The following YIPF2 variants were observed in gnomAD, a reference collection of about 807,000 sequenced individuals.
YIPF2 encodes protein YIPF2.
Under a neutral mutation model 38.8 loss-of-function variants are expected in YIPF2, and 30 were observed. The ratio of observed to expected loss-of-function variants is 0.77; its 90% CI spans 0.58 to 1.05. The LOEUF (loss-of-function observed/expected upper bound fraction) is 1.05. Ranked by LOEUF, YIPF2 falls within the 50% of genes least tolerant of loss-of-function variation. The pLI is 0.00. For synonymous variants in YIPF2, 194 were observed against 183.8 expected (o/e 1.06, Z -0.45); for missense variants, 401 against 409.7 (o/e 0.98, Z 0.18).
chr19:10,926,216 T>C (rs1450695504), intron 4 of YIPF2, among the ~76,000 whole-genome samples: 2 of 146,236 alleles, frequency 1.4e-5, no homozygotes, highest in African/African-American at 5.1e-5. Flanking sequence ...CAGCCCCCTC[T>C]TTTTTTTCCC....
At position 10,927,741 on chromosome 19, in the gene YIPF2, C is replaced by T. The variant is rs770531545; in HGVS notation, c.193-25G>A. 5.0e-6 allele frequency: 8 copies of T among 1,612,250 alleles called. No homozygotes were observed. The Admixed American group carries it at 8.3e-5, about 17-fold the overall frequency. On this transcript the variant is annotated intron_variant, in intron 3 of 9. Coordinates refer to ENST00000586748, the MANE Select transcript of YIPF2 (RefSeq NM_001321439.2). ...GCTGCACATTGCGGGCATTCAGTGC[C>T]TGCCCGGAGAGCCTGGGTCAGCTGG...
At position 10,923,402 on chromosome 19, in the gene YIPF2, G is replaced by A. The variant is rs759422532; in HGVS notation, c.840C>T (p.Tyr280=). 5 of 1,613,588 alleles carry A rather than the reference G, an allele frequency of 3.1e-6. No individual in the cohort carries two copies. The South Asian group carries it at 4.4e-5, about 14-fold the overall frequency. ...HALLAMGCKL[Y]FFQSLPPENV... ...TCTCCGGAGGCAGCGACTGGAAGAA[G>A]TACAACTGCACAAGACCCCTGGGGT... is the stretch of plus-strand genomic sequence containing the variant. Residue 280 remains tyrosine (Y), a synonymous_variant, in exon 9 of 10, where the codon TAC becomes TAT. Transcript: ENST00000586748.
Position 10,923,609 on chromosome 19 carries a change from G to A in YIPF2, c.720C>T (p.Ala240=), listed in dbSNP as rs115373533. ...GCCAGAGGGTGAATACCAGCCCGGC[G>A]GCTGACAGGCCCAGGGCCAGCGCCC... ...LFGALALGLS[A]AGLVFTLWPV... is the part of the protein sequence containing the mutation. Residue 240 remains alanine (A), a synonymous_variant, in exon 8 of 10, where the codon GCC becomes GCT. Transcript: ENST00000586748. 1.9e-4 allele frequency: 306 copies of A among 1,613,000 alleles called. 1 individual carries two copies. The African/African-American group carries it at 3.1e-3, about 16-fold the overall frequency.
At position 10,926,423 on chromosome 19, in the gene YIPF2, T is replaced by G. The variant is rs2083426748; in HGVS notation, c.280-650A>C. ...TTGTATTTTTAGTAGAGATGGGGTTTCACCGTGTTAGCCAGGATGGTCTCG... is the reference window on the plus strand; with the variant it reads ...TTGTATTTTTAGTAGAGATGGGGTTGCACCGTGTTAGCCAGGATGGTCTCG... On this transcript the variant is annotated intron_variant, in intron 4 of 9. Coordinates refer to ENST00000586748, the MANE Select transcript of YIPF2 (RefSeq NM_001321439.2). Among the ~76,000 whole-genome samples, 3 of 151,520 alleles carry G rather than the reference T, an allele frequency of 2.0e-5. No individual in the cohort carries two copies. The South Asian group carries it at 6.2e-4, about 31-fold the overall frequency.
At position 10,927,809 on chromosome 19, in the gene YIPF2, T is replaced by C; in HGVS notation, c.182A>G (p.Asp61Gly). Reference sequence around the variant, plus strand: ...GACACAGGGACTCACCGCGGCCTTGTCACTCTCCTCCTCCACCTCATCCTC... The same window carrying C: ...GACACAGGGACTCACCGCGGCCTTGCCACTCTCCTCCTCCACCTCATCCTC... ...GAEDEVEEESDKAALLQEQQQ... is the reference protein window; with the variant it reads ...GAEDEVEEESGKAALLQEQQQ... Residue 61 changes from aspartate to glycine, a missense_variant, in exon 3 of 10, where the codon GAC becomes GGC. Physicochemically the swap from Asp to Gly is moderately conservative, Grantham distance 94. Transcript: ENST00000586748. 1 of 1,607,200 alleles carries C rather than the reference T, an allele frequency of 6.2e-7. No individual in the cohort carries two copies. Among genetic ancestry groups the C allele is most frequent in the Non-Finnish European group, 8.5e-7 (1 of 1,175,920 alleles).
intron 7 of YIPF2, 39 bp from the exon 8 acceptor site, chr19:10,923,716 C>T: frequency 6.3e-7 from 1 of 1,583,446 alleles, no homozygotes; most frequent in Non-Finnish European, 8.6e-7. Context: ...TGCCAGTCCC[C>T]CCAGCCACCA....
At position 10,927,709 on chromosome 19, in the gene YIPF2, T is replaced by C. The variant is rs2083448855; in HGVS notation, c.200A>G (p.Gln67Arg). 3.1e-6 allele frequency: 5 copies of C among 1,613,472 alleles called. No individual in the cohort carries two copies. Among genetic ancestry groups the C allele is most frequent in the Non-Finnish European group, 4.2e-6 (5 of 1,180,012 alleles). ...EEESDKAALL[Q>R]EQQQQQQPGF... ...CGGCTGCTGCTGCTGCTGCTGCTCC[T>C]GCAGGAGCTGCACATTGCGGGCATT... The change falls in exon 4 of 10, where the codon CAG becomes CGG. Residue 67 changes from glutamine to arginine, a missense_variant. Coordinates refer to ENST00000586748, the MANE Select transcript of YIPF2 (RefSeq NM_001321439.2).
At chr19:10,924,303 C>T (rs2083384410) in intron 5 of YIPF2, 111 bp from the exon 6 acceptor site, 1 of 1,000,308 alleles carries the variant, frequency 1.0e-6, no homozygotes, top group East Asian at 2.6e-5. Flanking sequence ...AGCACCTTGC[C>T]TGACTCACCA....
At chr19:10,923,717 C>T (rs2074310314) in intron 7 of YIPF2, 40 bp from the exon 8 acceptor site, 1 of 1,581,458 alleles carries the variant, frequency 6.3e-7, no homozygotes, top group African/African-American at 1.3e-5. Flanking sequence ...GCCAGTCCCC[C>T]CAGCCACCAC....
intron 5 of YIPF2, 43 bp downstream of exon 5, chr19:10,925,640 CTTG>C (rs1568364157): frequency 1.2e-6 from 2 of 1,611,070 alleles, no homozygotes; most frequent in East Asian, 2.2e-5. Flanking sequence ...TCAGGCCACA[CTTG>C]TTGAGTGATC....
At chr19:10,927,086 T>TG (rs1338245971) in intron 4 of YIPF2, among the ~76,000 whole-genome samples, 2 of 152,136 alleles carry the variant, frequency 1.3e-5, no homozygotes, top group African/African-American at 4.8e-5. Context: ...TTGGCCAGGC[T>TG]GGTCTCAAAC....
At chr19:10,923,469 C>T in intron 8 of YIPF2, 26 bp downstream of exon 8, 1 of 1,612,872 alleles carries the variant, frequency 6.2e-7, no homozygotes, top group Non-Finnish European at 8.5e-7. Flanking sequence ...CCCTCGGCCC[C>T]ACCTGTGGCC....
At chr19:10,925,643 G>A in intron 5 of YIPF2, 43 bp downstream of exon 5, 3 of 1,611,324 alleles carry the variant, frequency 1.9e-6, no homozygotes, top group Non-Finnish European at 2.5e-6. Context: ...GGCCACACTT[G>A]TTGAGTGATC....
chr19:10,926,112 T>C (rs1358705286), intron 4 of YIPF2, among the ~76,000 whole-genome samples: 3 of 151,802 alleles, frequency 2.0e-5, no homozygotes, highest in African/African-American at 7.3e-5. Flanking sequence ...GATTTCACCA[T>C]GTTGGCCAGG....
At chr19:10,925,436 C>T (rs551389431) in intron 5 of YIPF2, among the ~76,000 whole-genome samples, 7 of 152,026 alleles carry the variant, frequency 4.6e-5, no homozygotes, top group Non-Finnish European at 8.8e-5. Context: ...CAACAAGGCT[C>T]ATTCCCTCAC....
chr19:10,923,787 G>C, intron 7 of YIPF2, 46 bp downstream of exon 7: 1 of 1,595,084 alleles, frequency 6.3e-7, no homozygotes, highest in Non-Finnish European at 8.5e-7. Flanking sequence ...GACCATGCCA[G>C]TGTCCCCACA....
Position 10,928,162 on chromosome 19 carries a change from T to G in YIPF2, c.32-203A>C, listed in dbSNP as rs2083456234. 3.3e-5 allele frequency among the ~76,000 whole-genome samples: 5 copies of G among 151,592 alleles called. No individual in the cohort carries two copies. The South Asian group carries it at 1.0e-3, about 32-fold the overall frequency. ...CCTAAAGTGGAACTGCAACTTAGGG[T>G]TGACGCTGGGATGGGGTCAGGGTCT... On this transcript the variant is annotated intron_variant, in intron 2 of 9. Coordinates refer to ENST00000586748, the MANE Select transcript of YIPF2 (RefSeq NM_001321439.2).
chr19:10,923,235 G>A (rs768771346), intron 9 of YIPF2, 37 bp downstream of exon 9: 15 of 1,517,230 alleles, frequency 9.9e-6, no homozygotes, highest in Admixed American at 4.4e-5. Flanking sequence ...GGGAGTGGGA[G>A]GGCAGCCCCC....
intron 4 of YIPF2, among the ~76,000 whole-genome samples, chr19:10,926,102 G>A: frequency 6.6e-6 from 1 of 151,724 alleles, no homozygotes; most frequent in African/African-American, 2.4e-5. Context: ...ATAGAGACGG[G>A]ATTTCACCAT....
Sources: gnomAD v4.1 joint callset for allele counts (sites outside exome capture counted in the v4.1 genomes callset) on GRCh38, gnomAD v4.1.1 for gene constraint, MANE v1.5 for transcripts, NCBI Gene and HGNC (gene_info 2026-07-23, HGNC 2026-07-21) for gene names.